Variants in FNDC3A observed in about 807,000 individuals in gnomAD.
FNDC3A encodes fibronectin type-III domain-containing protein 3A.
FNDC3A carries 32 observed loss-of-function variants against 148.9 expected under a neutral mutation model. The observed-to-expected ratio is 0.21, with a 90% CI of 0.16 to 0.29. FNDC3A has a LOEUF of 0.29. FNDC3A is among the 10% of genes least tolerant of loss of function. FNDC3A has a pLI of 1.00. For synonymous variants in FNDC3A, 472 were observed against 473.6 expected (o/e 1.00, Z 0.04); for missense variants, 1,191 against 1,452.8 (o/e 0.82, Z 2.93).
rs150873911 is a variant in FNDC3A at position 49,031,696 on chromosome 13, A to G, written c.99+25407A>G. Among the ~76,000 whole-genome samples, 10 of 152,308 alleles carry G rather than the reference A, an allele frequency of 6.6e-5. No homozygotes were observed. The East Asian group carries it at 1.9e-3, about 29-fold the overall frequency. ...TAAGACCGTTAGAACAAAAAGGCAT[A>G]AATCTCCGTGATCTTGAATTATGGA... On this transcript the variant is annotated intron_variant, in intron 2 of 25. Coordinates refer to ENST00000492622, the MANE Select transcript of FNDC3A (RefSeq NM_001079673.2).
At chr13:49,058,789 T>G (rs1357364788) in intron 2 of FNDC3A, among the ~76,000 whole-genome samples, 1 of 152,236 alleles carries the variant, frequency 6.6e-6, no homozygotes. Flanking sequence ...GATTCATCTT[T>G]TAGTATGTTG....
chr13:49,157,658 A>G (rs1305286031), intron 8 of FNDC3A, among the ~76,000 whole-genome samples: 1 of 147,534 alleles, frequency 6.8e-6, no homozygotes, highest in Non-Finnish European at 1.5e-5. Flanking sequence ...GGTTTTATCT[A>G]CTTTTGGTCT....
chr13:49,061,934 G>A, intron 2 of FNDC3A, among the ~76,000 whole-genome samples: 1 of 148,086 alleles, frequency 6.8e-6, no homozygotes, highest in Non-Finnish European at 1.5e-5. Flanking sequence ...GGCTCTTCTT[G>A]GAGAAGAATG....
At chr13:49,163,677 C>T (rs1884296964) in intron 8 of FNDC3A, among the ~76,000 whole-genome samples, 2 of 152,196 alleles carry the variant, frequency 1.3e-5, no homozygotes, top group African/African-American at 4.8e-5. Flanking sequence ...AACCTGGTAC[C>T]TCAGTTGGAA....
intron 14 of FNDC3A, among the ~76,000 whole-genome samples, chr13:49,183,646 TGCA>T (rs1885414621): frequency 6.6e-6 from 1 of 152,238 alleles, no homozygotes; most frequent in African/African-American, 2.4e-5. Context: ...GTAGATTCTG[TGCA>T]CAACATTGAG....
intron 1 of FNDC3A, among the ~76,000 whole-genome samples, chr13:49,005,769 C>T (rs951413341): frequency 3.3e-5 from 5 of 151,770 alleles, no homozygotes; most frequent in Non-Finnish European, 5.9e-5. Context: ...AAATTAGTGA[C>T]AGTTGCCTCA....
intron 14 of FNDC3A, among the ~76,000 whole-genome samples, chr13:49,181,959 A>G (rs1885327466): frequency 6.6e-6 from 1 of 151,852 alleles, no homozygotes; most frequent in Non-Finnish European, 1.5e-5. Flanking sequence ...AATGATAAAG[A>G]AGAATGAAAA....
chr13:49,203,313 G>A (rs1200262072), intron 25 of FNDC3A, 29 bp downstream of exon 25: 26 of 1,530,544 alleles, frequency 1.7e-5, no homozygotes, highest in East Asian at 2.3e-5. Context: ...ATGTGTGGAT[G>A]CATATTTTTA....
At chr13:48,988,458 T>G (rs1191879955) in intron 1 of FNDC3A, among the ~76,000 whole-genome samples, 1 of 152,194 alleles carries the variant, frequency 6.6e-6, no homozygotes, top group Non-Finnish European at 1.5e-5. Context: ...ATATGTATCA[T>G]TATACATTAA....
Position 49,203,226 on chromosome 13 carries a change from G to A in FNDC3A, c.3224G>A (p.Gly1075Asp). ...ITWECLQPMK[G>D]DPVIYSLQVM... is the part of the protein sequence containing the mutation. ...TGGGAGTGTTTACAGCCAATGAAAG[G>A]TGATCCAGTTATTTACAGTCTTCAA... is the stretch of plus-strand genomic sequence containing the variant. Residue 1075 changes from glycine to aspartate, a missense_variant, in exon 25 of 26, where the codon GGT (glycine) becomes GAT (aspartate). Gly to Asp is a moderately conservative substitution (Grantham distance 94, BLOSUM62 -1). Around this residue, in one of 3 missense-constraint regions of FNDC3A, gnomAD observed 751 missense variants for 944.0 expected, o/e 0.80. Coordinates refer to ENST00000492622, the MANE Select transcript of FNDC3A (RefSeq NM_001079673.2). 2 of 1,605,174 alleles carry A rather than the reference G, an allele frequency of 1.2e-6. No individual in the cohort carries two copies. Among genetic ancestry groups the A allele is most frequent in the Non-Finnish European group, 1.7e-6 (2 of 1,172,214 alleles).
At chr13:49,003,882 T>G (rs1952173409) in intron 1 of FNDC3A, among the ~76,000 whole-genome samples, 1 of 152,204 alleles carries the variant, frequency 6.6e-6, no homozygotes, top group Admixed American at 6.5e-5. Flanking sequence ...AACATTAATA[T>G]TTCACATTAT....
chr13:49,135,827 T>C (rs752654013), intron 5 of FNDC3A, among the ~76,000 whole-genome samples: 2 of 152,224 alleles, frequency 1.3e-5, no homozygotes, highest in Non-Finnish European at 2.9e-5. Context: ...TAGATTGTTA[T>C]TGTTAAACAG....
intron 3 of FNDC3A, among the ~76,000 whole-genome samples, chr13:49,086,449 A>G (rs911705238): frequency 8.5e-5 from 13 of 152,228 alleles, no homozygotes; most frequent in Admixed American, 6.5e-5. Context: ...ATTCATAACT[A>G]TACTAATTAC....
rs763616698 is a variant in FNDC3A at position 49,197,748 on chromosome 13, T to C, written c.2364T>C (p.Asp788=). 8 of 1,611,062 alleles carry C rather than the reference T, an allele frequency of 5.0e-6. No homozygotes were observed. Among genetic ancestry groups the C allele is most frequent in the Non-Finnish European group, 6.8e-6 (8 of 1,179,330 alleles). Residue 788 remains aspartate (D), a synonymous_variant, in exon 21 of 26, where the codon GAT becomes GAC. Transcript: ENST00000492622. ...AGGTTCCTTTGAGTAATGGAACAGA[T>C]GTCACTGAATATCGACTGGAGTGGG... ...NWEVPLSNGT[D]VTEYRLEWGG...
At chr13:49,018,254 T>A (rs1164556285) in intron 2 of FNDC3A, among the ~76,000 whole-genome samples, 14 of 152,208 alleles carry the variant, frequency 9.2e-5, no homozygotes, top group African/African-American at 3.4e-4. Flanking sequence ...AGACGTAGAT[T>A]TGGTCTTTTC....
chr13:49,138,325 C>A (rs1277222293), intron 6 of FNDC3A, among the ~76,000 whole-genome samples: 1 of 151,966 alleles, frequency 6.6e-6, no homozygotes, highest in African/African-American at 2.4e-5. Context: ...TACAGTCAAG[C>A]CAATTATATT....
chr13:49,112,992 TTCTC>T (rs1003914004), intron 3 of FNDC3A, among the ~76,000 whole-genome samples: 4 of 152,054 alleles, frequency 2.6e-5, no homozygotes, highest in Admixed American at 2.0e-4. Flanking sequence ...ACTTCTTACT[TTCTC>T]TCAACCACTT....
intron 1 of FNDC3A, among the ~76,000 whole-genome samples, chr13:48,992,128 A>G (rs2137568824): frequency 6.6e-6 from 1 of 152,234 alleles, no homozygotes; most frequent in East Asian, 1.9e-4. Flanking sequence ...TATACAAATA[A>G]TGCAATTTTA....
intron 3 of FNDC3A, among the ~76,000 whole-genome samples, chr13:49,080,993 A>G (rs1878430757): frequency 6.6e-6 from 1 of 152,236 alleles, no homozygotes; most frequent in Admixed American, 6.5e-5. Flanking sequence ...TATGGCACCC[A>G]GCACATAGAG....
Sources: gnomAD v4.1 joint callset for allele counts (sites outside exome capture counted in the v4.1 genomes callset) on GRCh38, gnomAD v4.1.1 for gene constraint, gnomAD v4.1.1 regional missense constraint, MANE v1.5 for transcripts, NCBI Gene and HGNC (gene_info 2026-07-23, HGNC 2026-07-21) for gene names.